The following RAB22A variants were observed in gnomAD, a reference collection of about 807,000 sequenced individuals.
RAB22A encodes ras-related protein Rab-22A.
RAB22A carries 13 observed loss-of-function variants against 30.2 expected under a neutral mutation model. The observed-to-expected ratio is 0.43, with a 90% CI of 0.28 to 0.68. The LOEUF (loss-of-function observed/expected upper bound fraction) is 0.68, where lower values mean the gene tolerates loss of function less well. Among genes scored for constraint, RAB22A ranks in the 30% least tolerant of loss-of-function variants. The pLI, the probability that RAB22A is intolerant of heterozygous loss-of-function variation, is 0.18. For synonymous variants in RAB22A, 89 were observed against 87.2 expected (o/e 1.02, Z -0.11); for missense variants, 177 against 246.8 (o/e 0.72, Z 1.89).
intron 2 of RAB22A, among the ~76,000 whole-genome samples, chr20:58,312,100 C>T (rs12480383): frequency 0.11 from 17,141 of 151,818 alleles, 1,394 homozygotes; most frequent in East Asian, 0.3. Flanking sequence ...GAATTATGGG[C>T]GCCCACCACC....
At chr20:58,310,157 A>C in intron 1 of RAB22A, 145 bp downstream of exon 1, 1 of 830,334 alleles carries the variant, frequency 1.2e-6, no homozygotes, top group Non-Finnish European at 1.6e-6. Context: ...CCAGCTCGGG[A>C]GCCGTCCCGC....
chr20:58,327,225 T>C (rs1986584054), intron 2 of RAB22A, among the ~76,000 whole-genome samples: 1 of 152,240 alleles, frequency 6.6e-6, no homozygotes, highest in Admixed American at 6.5e-5. Flanking sequence ...ATATGGTGGG[T>C]TACAGTATTA....
intron 2 of RAB22A, among the ~76,000 whole-genome samples, chr20:58,330,553 G>A (rs117903695): frequency 2.6e-5 from 4 of 151,832 alleles, no homozygotes; most frequent in Middle Eastern, 3.4e-3. Context: ...TTAGATTTTC[G>A]TATCTTCCAC....
chr20:58,339,139 C>G (rs902650801), intron 2 of RAB22A, among the ~76,000 whole-genome samples: 6 of 152,162 alleles, frequency 3.9e-5, no homozygotes, highest in African/African-American at 1.4e-4. Flanking sequence ...CGTACTCTGA[C>G]CAAAGTTCAT....
At chr20:58,316,398 C>T (rs1986340310) in intron 2 of RAB22A, among the ~76,000 whole-genome samples, 1 of 152,154 alleles carries the variant, frequency 6.6e-6, no homozygotes, top group South Asian at 2.1e-4. Flanking sequence ...TTTGTCTCCT[C>T]TTGCTTGATG....
At chr20:58,330,530 C>A (rs575993363) in intron 2 of RAB22A, among the ~76,000 whole-genome samples, 1 of 151,864 alleles carries the variant, frequency 6.6e-6, no homozygotes, top group African/African-American at 2.4e-5. Flanking sequence ...GCAGAAGATA[C>A]GCTGCAAAGA....
chr20:58,354,859 C>T (rs519677), intron 6 of RAB22A, among the ~76,000 whole-genome samples: 18,989 of 152,214 alleles, frequency 0.12, 1,524 homozygotes, highest in Non-Finnish European at 0.18. Flanking sequence ...AGAAGATAGA[C>T]GCAGCCCCTG....
Position 58,359,758 on chromosome 20 carries a change from A to G in RAB22A, c.*55A>G. 1 of 1,499,942 alleles carries G rather than the reference A, an allele frequency of 6.7e-7. No homozygotes were observed. The highest frequency in any genetic ancestry group is 9.2e-7 in the Non-Finnish European group (1 of 1,084,482). The allele number at this position is 1,499,942 out of a possible 1,614,324, so 92.9% of individuals were successfully genotyped here. On this transcript the variant is annotated 3_prime_UTR_variant, in exon 7 of 7. Coordinates refer to ENST00000244040, the MANE Select transcript of RAB22A (RefSeq NM_020673.3). ...GAAGTAGGTGGTCCTGAAAGTTAAC[A>G]GGAGGGCTGGGGTCCCTGCCACCAG...
intron 2 of RAB22A, among the ~76,000 whole-genome samples, chr20:58,322,363 C>T (rs776684528): frequency 4.6e-5 from 7 of 152,192 alleles, no homozygotes; most frequent in Non-Finnish European, 1.0e-4. Context: ...TAGACCTCCA[C>T]GGTCTAGTAC....
intron 3 of RAB22A, among the ~76,000 whole-genome samples, chr20:58,351,225 A>T (rs182278320): frequency 6.6e-6 from 1 of 152,108 alleles, no homozygotes; most frequent in African/African-American, 2.4e-5. Context: ...AATCCCAGCT[A>T]CTTGGGAGAC....
intron 2 of RAB22A, among the ~76,000 whole-genome samples, chr20:58,333,307 A>AAATAAATAAATG (rs1193519347): frequency 6.6e-6 from 1 of 151,538 alleles, no homozygotes; most frequent in African/African-American, 2.4e-5. Flanking sequence ...ATAAATAAAT[A>AAATAAATAAATG]AATCCCGCCA....
At chr20:58,322,089 C>T (rs1335231146) in intron 2 of RAB22A, among the ~76,000 whole-genome samples, 1 of 152,220 alleles carries the variant, frequency 6.6e-6, no homozygotes, top group African/African-American at 2.4e-5. Flanking sequence ...TGAGCCACCT[C>T]ACCGGGCGTC....
chr20:58,328,008 A>G (rs746892031), intron 2 of RAB22A, among the ~76,000 whole-genome samples: 1 of 152,216 alleles, frequency 6.6e-6, no homozygotes, highest in Non-Finnish European at 1.5e-5. Context: ...TGAGGAATAG[A>G]TGGTAGTAAT....
At chr20:58,315,783 T>A (rs1263861051) in intron 2 of RAB22A, among the ~76,000 whole-genome samples, 1 of 151,794 alleles carries the variant, frequency 6.6e-6, no homozygotes, top group Non-Finnish European at 1.5e-5. Flanking sequence ...ATCTGAGCCC[T>A]CATCCTATCT....
At chr20:58,358,380 C>A (rs1027844942) in intron 6 of RAB22A, among the ~76,000 whole-genome samples, 1 of 152,166 alleles carries the variant, frequency 6.6e-6, no homozygotes, top group African/African-American at 2.4e-5. Flanking sequence ...CACTGGAATA[C>A]AATGTATGTG....
intron 2 of RAB22A, among the ~76,000 whole-genome samples, chr20:58,318,696 T>G (rs1349149199): frequency 6.6e-6 from 1 of 152,158 alleles, no homozygotes; most frequent in Non-Finnish European, 1.5e-5. Context: ...CTTTGGAAGA[T>G]GGGAATTTTG....
At chr20:58,333,276 C>CATACATAAATAA (rs371173551) in intron 2 of RAB22A, among the ~76,000 whole-genome samples, 1 of 143,662 alleles carries the variant, frequency 7.0e-6, no homozygotes, top group African/African-American at 2.6e-5. Context: ...GAGACTCCAT[C>CATACATAAATAA]ATAAATAAAT....
intron 2 of RAB22A, among the ~76,000 whole-genome samples, chr20:58,336,100 C>T (rs1228559253): frequency 6.6e-6 from 1 of 152,214 alleles, no homozygotes; most frequent in African/African-American, 2.4e-5. Context: ...ACCTCCACCT[C>T]CTGGGTTCAA....
Position 58,309,878 on chromosome 20 carries a change from C to T in RAB22A, c.-99C>T, listed in dbSNP as rs1372457331. Reference sequence around the variant, plus strand: ...GCCTCTGCGCGGACCGGGGCTGGGCCGTGCGGCGGCAGCGGCGCCAGGGGA... The same window carrying T: ...GCCTCTGCGCGGACCGGGGCTGGGCTGTGCGGCGGCAGCGGCGCCAGGGGA... On this transcript the variant is annotated 5_prime_UTR_variant, in exon 1 of 7. Transcript: ENST00000244040. 8.7e-7 allele frequency: 1 copy of T among 1,154,878 alleles called. No homozygotes were observed. The highest frequency in any genetic ancestry group is 4.3e-5 in the South Asian group (1 of 23,216). 71.5% of individuals were successfully genotyped at this position (1,154,878 alleles called of 1,614,324 possible).
Sources: allele counts gnomAD v4.1 joint callset (sites outside exome capture counted in the v4.1 genomes callset), GRCh38; gene constraint gnomAD v4.1.1; transcripts MANE v1.5; gene names NCBI Gene and HGNC (gene_info 2026-07-23, HGNC 2026-07-21).